The following ZFYVE9 variants were observed in gnomAD, a reference collection of about 807,000 sequenced individuals.
ZFYVE9 encodes zinc finger FYVE-type containing 9, also known as zinc finger FYVE domain-containing protein 9.
In ZFYVE9, 43 loss-of-function variants were observed where a neutral mutation model predicts 126.7. That is an observed-to-expected ratio of 0.34 (90% CI 0.27 to 0.44). ZFYVE9 has a LOEUF of 0.44. Among genes scored for constraint, ZFYVE9 ranks in the 20% least tolerant of loss-of-function variants. The pLI is 1.00. For missense variants in ZFYVE9, 1,476 were observed against 1,697.0 expected, an observed-to-expected ratio of 0.87 and a Z score of 2.29; for synonymous variants, 521 against 597.4, an observed-to-expected ratio of 0.87 and a Z score of 1.87.
intron 4 of ZFYVE9, among the ~76,000 whole-genome samples, chr1:52,261,226 CTT>C (rs954031127): frequency 2.0e-4 from 26 of 132,070 alleles, no homozygotes; most frequent in Admixed American, 3.0e-4. Context: ...TTCTTTCTTT[CTT>C]TTTTTTTTTT....
chr1:52,233,806 G>T (rs1645247156), intron 3 of ZFYVE9, among the ~76,000 whole-genome samples: 1 of 152,090 alleles, frequency 6.6e-6, no homozygotes, highest in Non-Finnish European at 1.5e-5. Flanking sequence ...TGGTTGGTTG[G>T]TTTTTTGAGA....
chr1:52,297,365 G>A (rs1450044615), intron 12 of ZFYVE9, among the ~76,000 whole-genome samples: 1 of 151,482 alleles, frequency 6.6e-6, no homozygotes, highest in Non-Finnish European at 1.5e-5. Flanking sequence ...AGCCTTCAGA[G>A]CAGCTGGGAT....
At chr1:52,278,418 C>G in intron 8 of ZFYVE9, 74 bp from the exon 9 acceptor site, 3 of 1,565,036 alleles carry the variant, frequency 1.9e-6, no homozygotes, top group Non-Finnish European at 2.6e-6. Flanking sequence ...GAATAATTAG[C>G]TCATTTCTCC....
intron 1 of ZFYVE9, chr1:52,160,700 C>G (rs2124510774): frequency 2.1e-6 from 1 of 479,300 alleles, no homozygotes; most frequent in East Asian, 3.3e-5. Context: ...AGGCGTGAGC[C>G]ACTGTGCCCG....
At chr1:52,264,997 T>C (rs1249784647) in intron 5 of ZFYVE9, among the ~76,000 whole-genome samples, 1 of 152,244 alleles carries the variant, frequency 6.6e-6, no homozygotes, top group Non-Finnish European at 1.5e-5. Flanking sequence ...GATAAGAGCA[T>C]GCTGCTTAAT....
At chr1:52,261,731 C>T (rs1010323189) in intron 4 of ZFYVE9, among the ~76,000 whole-genome samples, 3 of 152,146 alleles carry the variant, frequency 2.0e-5, no homozygotes, top group African/African-American at 7.2e-5. Context: ...TCATCATGAT[C>T]GTTTAGTCCT....
At chr1:52,244,902 A>G (rs1335299726) in intron 4 of ZFYVE9, among the ~76,000 whole-genome samples, 3 of 152,198 alleles carry the variant, frequency 2.0e-5, no homozygotes, top group Admixed American at 2.0e-4. Flanking sequence ...TCATGCCTGT[A>G]ATCTCAGCAC....
In ZFYVE9 at chr1:52,281,655, C is replaced by A. The variant is rs1557498505; in HGVS notation, c.2870-6C>A. 1 of 1,613,200 alleles carries A rather than the reference C, an allele frequency of 6.2e-7. No individual in the cohort carries two copies. Among genetic ancestry groups the A allele is most frequent in the Non-Finnish European group, 8.5e-7 (1 of 1,179,804 alleles). ...CTTTATTTTTGTGTTTTTATTCCATCTGTAGATGTGAACAGGAAGTGCTGG... is the reference window on the plus strand; with the variant it reads ...CTTTATTTTTGTGTTTTTATTCCATATGTAGATGTGAACAGGAAGTGCTGG... On this transcript the variant is annotated splice_polypyrimidine_tract_variant and splice_region_variant and intron_variant, in intron 9 of 18. Coordinates refer to ENST00000287727, the MANE Select transcript of ZFYVE9 (RefSeq NM_004799.4).
At chr1:52,326,724 A>T (rs1646295487) in intron 13 of ZFYVE9, among the ~76,000 whole-genome samples, 1 of 148,780 alleles carries the variant, frequency 6.7e-6, no homozygotes, top group African/African-American at 2.5e-5. Flanking sequence ...ATAGCTGGAC[A>T]TGGTGGCACA....
intron 13 of ZFYVE9, among the ~76,000 whole-genome samples, chr1:52,323,133 C>T (rs979189286): frequency 1.3e-5 from 2 of 152,140 alleles, no homozygotes; most frequent in Non-Finnish European, 2.9e-5. Context: ...ATAACTATTC[C>T]TTTTCTGTCA....
At chr1:52,288,371 T>G (rs1033138049) in intron 10 of ZFYVE9, among the ~76,000 whole-genome samples, 3 of 152,164 alleles carry the variant, frequency 2.0e-5, no homozygotes, top group African/African-American at 7.2e-5. Flanking sequence ...CATAGCACAC[T>G]CACTGCAGCC....
In ZFYVE9 at chr1:52,346,225, G is replaced by A; in HGVS notation, c.*4G>A. On this transcript the variant is annotated 3_prime_UTR_variant, in exon 19 of 19. Transcript: ENST00000287727. ...TATTCTGGAAAACATCGTATAAACA[G>A]AGAAGACTTCATTTTTTTCTGTTCA... 1 of 1,574,240 alleles carries A rather than the reference G, an allele frequency of 6.4e-7. No homozygotes were observed. Among genetic ancestry groups the A allele is most frequent in the Non-Finnish European group, 8.7e-7 (1 of 1,155,022 alleles).
intron 13 of ZFYVE9, among the ~76,000 whole-genome samples, chr1:52,306,070 G>T (rs1373265930): frequency 6.6e-6 from 1 of 152,170 alleles, no homozygotes; most frequent in Non-Finnish European, 1.5e-5. Flanking sequence ...CCCCGATGAG[G>T]TTCCACCTTC....
At chr1:52,256,043 TTCTCTC>T (rs58313402) in intron 4 of ZFYVE9, among the ~76,000 whole-genome samples, 110 of 133,236 alleles carry the variant, frequency 8.3e-4, no homozygotes, top group East Asian at 3.9e-3. Context: ...CTTTCTTTCT[TTCTCTC>T]TCTCTCTCTC....
At chr1:52,232,675 C>T (rs747636008) in intron 2 of ZFYVE9, among the ~76,000 whole-genome samples, 35 of 139,808 alleles carry the variant, frequency 2.5e-4, no homozygotes, top group Non-Finnish European at 4.5e-4. Flanking sequence ...TTGCAGTGAG[C>T]CAAGATGGAG....
chr1:52,249,933 A>G (rs1323303028), intron 4 of ZFYVE9, among the ~76,000 whole-genome samples: 6 of 152,144 alleles, frequency 3.9e-5, no homozygotes, highest in Non-Finnish European at 8.8e-5. Flanking sequence ...CATATAAGTG[A>G]GAGTTTATTT....
chr1:52,333,319 A>G (rs186632598), intron 14 of ZFYVE9, among the ~76,000 whole-genome samples: 141 of 151,912 alleles, frequency 9.3e-4, no homozygotes, highest in African/African-American at 3.3e-3. Flanking sequence ...TGCCCTTAGG[A>G]TATTGACAAG....
chr1:52,263,936 G>T lies in ZFYVE9; in HGVS notation c.2278+64G>T, dbSNP rs879050643. ...CAAAACAAGGGAATTACGATGAGAA[G>T]ACTTTTTTCCCCCTGCCTTTCTTTA... On this transcript the variant is annotated intron_variant, in intron 5 of 18. Transcript: ENST00000287727. 8 of 1,102,262 alleles carry T rather than the reference G, an allele frequency of 7.3e-6. No homozygotes were observed. In the South Asian group the frequency reaches 1.3e-4, roughly 18 times the overall value. The allele number at this position is 1,102,262 out of a possible 1,614,324, so 68.3% of individuals were successfully genotyped here.
chr1:52,272,832 T>C (rs997008276), intron 7 of ZFYVE9, among the ~76,000 whole-genome samples: 2 of 151,706 alleles, frequency 1.3e-5, no homozygotes, highest in African/African-American at 2.4e-5. Flanking sequence ...CAGCTAATTT[T>C]TATATTTTTT....
Sources: gnomAD v4.1 joint callset for allele counts (sites outside exome capture counted in the v4.1 genomes callset) on GRCh38, gnomAD v4.1.1 for gene constraint, MANE v1.5 for transcripts, NCBI Gene and HGNC (gene_info 2026-07-23, HGNC 2026-07-21) for gene names.